TFEC: variants seen among roughly 807,000 people sequenced by gnomAD.
The protein encoded by TFEC is transcription factor EC, also known as class E basic helix-loop-helix protein 34.
In TFEC, 31 loss-of-function variants were observed where a neutral mutation model predicts 41.6. That is an observed-to-expected ratio of 0.74 (90% CI 0.56 to 1.01). The LOEUF (loss-of-function observed/expected upper bound fraction) is 1.01, where lower values mean the gene tolerates loss of function less well. TFEC is among the 50% of genes least tolerant of loss of function. The probability of loss-of-function intolerance (pLI) is 0.00; values close to 1 mark genes in which losing one functional copy is unlikely to be tolerated. For missense variants in TFEC, 402 were observed against 404.1 expected (o/e 0.99, Z 0.04); for synonymous variants, 143 against 140.6 (o/e 1.02, Z -0.12).
chr7:116,025,709 A>G (rs1304491369), intron 1 of TFEC, among the ~76,000 whole-genome samples: 2 of 152,184 alleles, frequency 1.3e-5, no homozygotes, highest in Non-Finnish European at 2.9e-5. Context: ...AGCAACCATA[A>G]AGAAATCACT....
chr7:116,039,251 A>T (rs1795977591), intron 3 of TFEC, among the ~76,000 whole-genome samples: 1 of 152,140 alleles, frequency 6.6e-6, no homozygotes, highest in Non-Finnish European at 1.5e-5. Flanking sequence ...CAGTCCATCA[A>T]ATAATAAGCT....
chr7:116,051,463 C>T (rs141777526), intron 3 of TFEC, among the ~76,000 whole-genome samples: 24 of 152,312 alleles, frequency 1.6e-4, no homozygotes, highest in Admixed American at 5.9e-4. Flanking sequence ...CACTACACTA[C>T]ACCATTTCTC....
chr7:115,976,457 G>C (rs920199159), intron 2 of TFEC, among the ~76,000 whole-genome samples: 1 of 152,012 alleles, frequency 6.6e-6, no homozygotes, highest in South Asian at 2.1e-4. Flanking sequence ...TACTGAATTT[G>C]TACTAACTTT....
intron 3 of TFEC, 57 bp downstream of exon 3, chr7:115,974,113 T>C: frequency 1.4e-6 from 2 of 1,381,950 alleles, no homozygotes; most frequent in East Asian, 2.5e-5. Context: ...AATATTTTTA[T>C]TATCAGAGTG....
intron 1 of TFEC, among the ~76,000 whole-genome samples, chr7:116,156,836 T>C (rs1043616511): frequency 3.9e-5 from 6 of 152,228 alleles, no homozygotes; most frequent in Non-Finnish European, 5.9e-5. Context: ...TTGGACTAAA[T>C]GGCCATTAAC....
At chr7:115,964,127 T>G (rs917254532) in intron 3 of TFEC, among the ~76,000 whole-genome samples, 1 of 151,588 alleles carries the variant, frequency 6.6e-6, no homozygotes, top group Non-Finnish European at 1.5e-5. Flanking sequence ...AATTTGCCAT[T>G]GATTGTAAAT....
chr7:116,044,092 A>G (rs1039674727), intron 3 of TFEC, among the ~76,000 whole-genome samples: 5 of 152,204 alleles, frequency 3.3e-5, no homozygotes, highest in Non-Finnish European at 7.3e-5. Context: ...GCAGAATTAG[A>G]ATCTAAGTCT....
chr7:115,994,268 G>A (rs1794257995), intron 1 of TFEC, among the ~76,000 whole-genome samples: 1 of 152,054 alleles, frequency 6.6e-6, no homozygotes, highest in Non-Finnish European at 1.5e-5. Context: ...AGAAAACCTA[G>A]GCAATACCAT....
chr7:115,983,081 A>G (rs754057962), intron 2 of TFEC, among the ~76,000 whole-genome samples: 183 of 114,468 alleles, frequency 1.6e-3, no homozygotes, highest in Non-Finnish European at 3.0e-3. Flanking sequence ...GTGTAGATCT[A>G]ACATTTACTG....
At chr7:115,987,792 T>A (rs1793924251) in intron 1 of TFEC, among the ~76,000 whole-genome samples, 1 of 152,034 alleles carries the variant, frequency 6.6e-6, no homozygotes, top group Non-Finnish European at 1.5e-5. Context: ...TATATATATA[T>A]AAACATATAA....
At chr7:116,064,421 G>A (rs4612258) in intron 3 of TFEC, among the ~76,000 whole-genome samples, 36,221 of 150,754 alleles carry the variant, frequency 0.24, 4,504 homozygotes, top group East Asian at 0.39. Context: ...TTTTAAATAT[G>A]TGCAGTTTAT....
At chr7:116,053,491 A>C (rs575281630) in intron 3 of TFEC, among the ~76,000 whole-genome samples, 10 of 152,236 alleles carry the variant, frequency 6.6e-5, no homozygotes, top group Non-Finnish European at 1.2e-4. Flanking sequence ...TCCAAAAGTC[A>C]TGTTGAAACC....
intron 3 of TFEC, among the ~76,000 whole-genome samples, chr7:116,071,162 T>C (rs1796818702): frequency 6.6e-6 from 1 of 151,398 alleles, no homozygotes; most frequent in Admixed American, 6.6e-5. Flanking sequence ...ATTTTTGCTA[T>C]ATTTAGATGC....
intron 1 of TFEC, among the ~76,000 whole-genome samples, chr7:116,147,027 C>T (rs922544571): frequency 7.2e-5 from 11 of 151,946 alleles, no homozygotes; most frequent in Admixed American, 2.6e-4. Context: ...TTGTGAACTG[C>T]GAGACATATC....
At chr7:116,042,197 A>G (rs190550280) in intron 3 of TFEC, among the ~76,000 whole-genome samples, 1 of 152,334 alleles carries the variant, frequency 6.6e-6, no homozygotes, top group East Asian at 1.9e-4. Context: ...CACAGTTACC[A>G]CTGAGAGTCA....
At chr7:116,112,952 G>T (rs1477450853) in intron 1 of TFEC, among the ~76,000 whole-genome samples, 1 of 151,898 alleles carries the variant, frequency 6.6e-6, no homozygotes, top group Non-Finnish European at 1.5e-5. Flanking sequence ...TGATTTTTAG[G>T]CATCATGAAA....
chr7:116,000,853 ATTG>A (rs1358208808), intron 1 of TFEC, among the ~76,000 whole-genome samples: 1 of 152,128 alleles, frequency 6.6e-6, no homozygotes, highest in Non-Finnish European at 1.5e-5. Context: ...AAGAATCAAT[ATTG>A]TTAAAATGTC....
chr7:116,013,385 A>T (rs1304965698), intron 1 of TFEC, among the ~76,000 whole-genome samples: 1 of 152,138 alleles, frequency 6.6e-6, no homozygotes, highest in East Asian at 1.9e-4. Flanking sequence ...TTAAAGAAGC[A>T]CACTTTTGAT....
intron 3 of TFEC, among the ~76,000 whole-genome samples, chr7:116,080,972 A>G (rs1787314240): frequency 7.3e-6 from 1 of 137,812 alleles, no homozygotes; most frequent in South Asian, 2.4e-4. Flanking sequence ...GATAAAGAAA[A>G]TGTAGTGTGT....
Sources: allele counts gnomAD v4.1 joint callset (sites outside exome capture counted in the v4.1 genomes callset), GRCh38; gene constraint gnomAD v4.1.1; transcripts MANE v1.5; gene names NCBI Gene and HGNC (gene_info 2026-07-23, HGNC 2026-07-21).